Variants in SERPINE2 observed in about 807,000 individuals in gnomAD.
SERPINE2 encodes the protein serpin family E member 2, also known as glia-derived nexin.
Under a neutral mutation model 36.3 loss-of-function variants are expected in SERPINE2, and 14 were observed. The observed-to-expected ratio is 0.39, with a 90% CI of 0.25 to 0.60. SERPINE2 has a LOEUF of 0.60. SERPINE2 is among the 20% of genes least tolerant of loss of function. The probability of loss-of-function intolerance (pLI) is 0.57; values close to 1 mark genes in which losing one functional copy is unlikely to be tolerated. For missense variants in SERPINE2, 418 were observed against 499.6 expected, an observed-to-expected ratio of 0.84 and a Z score of 1.56; for synonymous variants, 192 against 191.8, an observed-to-expected ratio of 1.00 and a Z score of -0.01.
chr2:224,039,070 C>T lies in SERPINE2; in HGVS notation c.-23+29G>A, dbSNP rs1279940633. ...CCGCCGAGGGCAGCGCCGGCCGCGCCCGGGACTCACCGCGCAGCCTGTACT... is the reference window on the plus strand; with the variant it reads ...CCGCCGAGGGCAGCGCCGGCCGCGCTCGGGACTCACCGCGCAGCCTGTACT... On this transcript the variant is annotated intron_variant, in intron 1 of 8. Transcript: ENST00000409304. This position sits in a 1 kb window ranked among gnomAD's most constrained non-coding sequence, Gnocchi z 5.2. 1.3e-5 allele frequency: 2 copies of T among 151,404 alleles called. No individual in the cohort carries two copies. Among genetic ancestry groups the T allele is most frequent in the African/African-American group, 2.4e-5 (1 of 41,466 alleles). 9.4% of individuals were successfully genotyped at this position (151,404 alleles called of 1,614,324 possible). A position where few individuals can be genotyped will look rare whatever the true frequency, so the allele number is the denominator to read the frequency against.
intron 2 of SERPINE2, among the ~76,000 whole-genome samples, chr2:224,000,611 T>G (rs1206265730): frequency 6.6e-6 from 1 of 152,178 alleles, no homozygotes; most frequent in Non-Finnish European, 1.5e-5. Flanking sequence ...GGTGGTTTGC[T>G]GCACCCATCA....
intron 3 of SERPINE2, among the ~76,000 whole-genome samples, chr2:223,993,137 G>GATAAA (rs60659433): frequency 0.8 from 121,360 of 151,206 alleles, 49,394 homozygotes; most frequent in Non-Finnish European, 0.88. Flanking sequence ...AAAAAAATAA[G>GATAAA]ATAAAATAAA....
chr2:224,025,902 A>T (rs1692164540), intron 1 of SERPINE2, among the ~76,000 whole-genome samples: 1 of 152,190 alleles, frequency 6.6e-6, no homozygotes, highest in South Asian at 2.1e-4. Flanking sequence ...TAAAATTTCA[A>T]ATGACAGAGG....
At chr2:223,981,960 A>C (rs1036016622) in intron 6 of SERPINE2, 7 of 151,806 alleles carry the variant, frequency 4.6e-5, no homozygotes, top group Non-Finnish European at 1.0e-4. Flanking sequence ...CAGAGCGACA[A>C]CACCTAAGTC....
At chr2:224,002,279 C>A (rs529027360) in intron 1 of SERPINE2, among the ~76,000 whole-genome samples, 1 of 120,938 alleles carries the variant, frequency 8.3e-6, no homozygotes, top group South Asian at 2.9e-4. Flanking sequence ...ACCTGGCCTG[C>A]GAGGCCATTT....
At chr2:224,034,463 GGGGACAAGGCAA>G (rs1395751126) in intron 1 of SERPINE2, among the ~76,000 whole-genome samples, 2 of 152,118 alleles carry the variant, frequency 1.3e-5, no homozygotes, top group Admixed American at 1.3e-4. Flanking sequence ...GTTTCAGGCA[GGGGACAAGGCAA>G]GGAGATGGGA....
Position 224,018,590 on chromosome 2 carries a change from C to CAA in SERPINE2, c.-22-16670_-22-16669dup, listed in dbSNP as rs35298522. Among the ~76,000 whole-genome samples the CAA allele has an allele frequency of 4.6e-4, 60 of 130,324 alleles. 1 individual carries two copies. The South Asian group carries it at 0.012, about 26-fold the overall frequency. The allele number at this position is 130,324 out of a possible 152,430, so 85.5% of individuals were successfully genotyped here. A position where few individuals can be genotyped will look rare whatever the true frequency, so the allele number is the denominator to read the frequency against. On this transcript the variant is annotated intron_variant, in intron 1 of 8. Coordinates refer to ENST00000409304, the MANE Select transcript of SERPINE2 (RefSeq NM_001136528.2). ...GCAGACTCTAAAACACAGTACTTCT[C>CAA]AAAAAAAAAAAATAATAATAAAATA...
intron 1 of SERPINE2, among the ~76,000 whole-genome samples, chr2:224,031,764 C>T (rs1294718618): frequency 6.7e-6 from 1 of 149,186 alleles, no homozygotes; most frequent in East Asian, 2.0e-4. Flanking sequence ...CCCCCACCCC[C>T]CCCGCCGGCT....
intron 3 of SERPINE2, among the ~76,000 whole-genome samples, chr2:223,997,187 G>A (rs932329781): frequency 1.3e-5 from 2 of 151,404 alleles, no homozygotes; most frequent in Admixed American, 1.3e-4. Context: ...GGACCTCCAC[G>A]TTACAAATTA....
intron 7 of SERPINE2, 72 bp downstream of exon 7, chr2:223,980,239 C>T (rs1294220747): frequency 3.1e-6 from 4 of 1,289,940 alleles, no homozygotes; most frequent in Non-Finnish European, 4.5e-6. Context: ...CATATTTGCT[C>T]AACCAATGAG....
Position 223,998,414 on chromosome 2 carries a change from T to G in SERPINE2, c.260-72A>C. On this transcript the variant is annotated intron_variant, in intron 2 of 8. Transcript: ENST00000409304. ...GAAAAGTTTTTAAAATCTTTTATGTTGCAGCAAGTAAGAACAGTATAGGCC... is the reference window on the plus strand; with the variant it reads ...GAAAAGTTTTTAAAATCTTTTATGTGGCAGCAAGTAAGAACAGTATAGGCC... 3.2e-6 allele frequency: 4 copies of G among 1,232,616 alleles called. No individual in the cohort carries two copies. In the South Asian group the frequency reaches 5.2e-5, roughly 16 times the overall value. 76.4% of individuals were successfully genotyped at this position (1,232,616 alleles called of 1,614,324 possible). A position where few individuals can be genotyped will look rare whatever the true frequency, so the allele number is the denominator to read the frequency against.
At chr2:224,034,236 C>T (rs764806581) in intron 1 of SERPINE2, among the ~76,000 whole-genome samples, 8 of 152,108 alleles carry the variant, frequency 5.3e-5, no homozygotes, top group East Asian at 1.9e-4. Flanking sequence ...GGAGGGGTGA[C>T]GTGTGTGTAC....
chr2:223,995,608 TTTTTTGTTTTTG>T (rs71408601), intron 3 of SERPINE2, among the ~76,000 whole-genome samples: 9 of 152,142 alleles, frequency 5.9e-5, no homozygotes, highest in African/African-American at 1.4e-4. Flanking sequence ...GTGTTTTGGG[TTTTTTGTTTTTG>T]TTTTTGTTTT....
Position 223,980,273 on chromosome 2 carries a change from C to G in SERPINE2, c.1072+38G>C, listed in dbSNP as rs2106132708. ...AGTATACAGGAATGTGTTTGCTCCC[C>G]TGCTAGAGGAAGCCCTGCCACGTGA... On this transcript the variant is annotated intron_variant, in intron 7 of 8. Coordinates refer to ENST00000409304, the MANE Select transcript of SERPINE2 (RefSeq NM_001136528.2). 3 of 1,527,924 alleles carry G rather than the reference C, an allele frequency of 2.0e-6. No homozygotes were observed. In the South Asian group the frequency reaches 3.4e-5, roughly 17 times the overall value. The allele number at this position is 1,527,924 out of a possible 1,614,324, so 94.6% of individuals were successfully genotyped here.
intron 3 of SERPINE2, among the ~76,000 whole-genome samples, chr2:223,997,418 C>A (rs907468484): frequency 1.3e-5 from 2 of 152,144 alleles, no homozygotes; most frequent in South Asian, 2.1e-4. Flanking sequence ...ATGGGATAAA[C>A]CATGTTGGCC....
At chr2:224,028,445 T>C (rs1021341251) in intron 1 of SERPINE2, among the ~76,000 whole-genome samples, 3 of 152,240 alleles carry the variant, frequency 2.0e-5, no homozygotes, top group African/African-American at 7.2e-5. Flanking sequence ...ACTCATCCTC[T>C]GCCCAGCAAT....
At position 223,984,784 on chromosome 2, in the gene SERPINE2, C is replaced by T. The variant is rs749885578; in HGVS notation, c.852G>A (p.Met284Ile). Reference sequence around the variant, plus strand: ...GGATCACCTGCACCCTCTTGGGCACCATGATGCTCATCCAGCTGTCTATGG... The same window carrying T: ...GGATCACCTGCACCCTCTTGGGCACTATGATGCTCATCCAGCTGTCTATGG... Reference protein sequence around the residue: ...TKTIDSWMSIMVPKRVQVILP... With the variant: ...TKTIDSWMSIIVPKRVQVILP... Residue 284 changes from methionine to isoleucine, a missense_variant, in exon 5 of 9, where the codon ATG (methionine) becomes ATA (isoleucine). Physicochemically the swap from Met to Ile is conservative, Grantham distance 10. Coordinates refer to ENST00000409304, the MANE Select transcript of SERPINE2 (RefSeq NM_001136528.2). The T allele has an allele frequency of 2.5e-6, 4 of 1,613,278 alleles. No homozygotes were observed. Among genetic ancestry groups the T allele is most frequent in the Non-Finnish European group, 3.4e-6 (4 of 1,179,928 alleles).
intron 1 of SERPINE2, among the ~76,000 whole-genome samples, chr2:224,033,296 A>G (rs571960946): frequency 6.6e-6 from 1 of 152,308 alleles, no homozygotes; most frequent in South Asian, 2.1e-4. Context: ...AATACAAACT[A>G]AATCTTCATG....
chr2:224,002,262 C>T (rs891195446), intron 1 of SERPINE2, among the ~76,000 whole-genome samples: 2 of 150,818 alleles, frequency 1.3e-5, no homozygotes, highest in Non-Finnish European at 2.9e-5. Context: ...CAGGTGTGAG[C>T]CACTGTACCT....
Sources: allele counts gnomAD v4.1 joint callset (sites outside exome capture counted in the v4.1 genomes callset), GRCh38; gene constraint gnomAD v4.1.1; non-coding constraint Gnocchi (gnomAD v3.1); transcripts MANE v1.5; gene names NCBI Gene and HGNC (gene_info 2026-07-23, HGNC 2026-07-21).